The following PHF14 variants were observed in gnomAD, a reference collection of about 807,000 sequenced individuals.
PHF14 encodes the protein PHD finger protein 14.
Under a neutral mutation model 117.9 loss-of-function variants are expected in PHF14, and 55 were observed. The ratio of observed to expected loss-of-function variants is 0.47; its 90% CI spans 0.38 to 0.58. The LOEUF (loss-of-function observed/expected upper bound fraction) is 0.58, where lower values mean the gene tolerates loss of function less well. PHF14 is among the 20% of genes least tolerant of loss of function. PHF14 has a pLI of 0.00. For missense variants in PHF14, 978 were observed against 1,122.2 expected, an observed-to-expected ratio of 0.87 and a Z score of 1.84; for synonymous variants, 409 against 368.6, an observed-to-expected ratio of 1.11 and a Z score of -1.26.
chr7:11,071,540 A>G (rs566399210), intron 16 of PHF14, among the ~76,000 whole-genome samples: 6 of 152,300 alleles, frequency 3.9e-5, no homozygotes, highest in African/African-American at 1.4e-4. Context: ...TTTTCGTCCC[A>G]TTAAATTTTA....
intron 11 of PHF14, among the ~76,000 whole-genome samples, chr7:11,039,872 G>T (rs2128323329): frequency 6.6e-6 from 1 of 152,238 alleles, no homozygotes; most frequent in South Asian, 2.1e-4. Context: ...ATTTTTGGAA[G>T]ATTATGTTTT....
intron 3 of PHF14, among the ~76,000 whole-genome samples, chr7:10,987,268 A>G (rs1486444487): frequency 2.6e-5 from 4 of 152,166 alleles, no homozygotes; most frequent in African/African-American, 9.7e-5. Flanking sequence ...TGATTGGTCA[A>G]GCTTTTTGTT....
intron 16 of PHF14, chr7:11,107,910 T>G (rs1787324948): frequency 5.4e-6 from 1 of 186,140 alleles, no homozygotes. Flanking sequence ...CTACTTTAAC[T>G]CCATTGCAGC....
intron 17 of PHF14, among the ~76,000 whole-genome samples, chr7:11,125,643 A>G (rs1291264948): frequency 1.3e-5 from 2 of 152,028 alleles, no homozygotes; most frequent in Non-Finnish European, 2.9e-5. Flanking sequence ...TTATTCTACT[A>G]TATTTCCACC....
At chr7:11,038,218 C>T (rs1784374079) in intron 10 of PHF14, among the ~76,000 whole-genome samples, 1 of 151,818 alleles carries the variant, frequency 6.6e-6, no homozygotes. Flanking sequence ...TCGAGACCAT[C>T]CTAGGAGTTT....
intron 17 of PHF14, among the ~76,000 whole-genome samples, chr7:11,159,818 T>A (rs1254500727): frequency 1.3e-5 from 2 of 152,146 alleles, no homozygotes; most frequent in African/African-American, 2.4e-5. Context: ...AAAGAAAAAA[T>A]TCTAACAATA....
chr7:11,017,117 T>C (rs1211284223), intron 5 of PHF14, among the ~76,000 whole-genome samples: 1 of 152,254 alleles, frequency 6.6e-6, no homozygotes, highest in Non-Finnish European at 1.5e-5. Flanking sequence ...CATTGTGTAT[T>C]GTGTACCACA....
chr7:11,042,900 A>G, intron 13 of PHF14, 86 bp downstream of exon 13: 1 of 935,382 alleles, frequency 1.1e-6, no homozygotes, highest in Non-Finnish European at 1.6e-6. Context: ...ATTTGTTCAT[A>G]ATAAAGTATT....
intron 16 of PHF14, among the ~76,000 whole-genome samples, chr7:11,100,214 G>A (rs1007567521): frequency 1.3e-5 from 2 of 151,988 alleles, no homozygotes; most frequent in East Asian, 1.9e-4. Context: ...ATAATGAAAC[G>A]AGGTGAACTG....
chr7:11,045,442 G>T (rs1197661330), intron 13 of PHF14, among the ~76,000 whole-genome samples: 1 of 152,162 alleles, frequency 6.6e-6, no homozygotes, highest in Non-Finnish European at 1.5e-5. Flanking sequence ...TGTTTTGCAA[G>T]CCTGTGGTAG....
intron 5 of PHF14, among the ~76,000 whole-genome samples, chr7:11,021,537 A>T (rs1016526278): frequency 1.3e-5 from 2 of 152,160 alleles, no homozygotes; most frequent in Non-Finnish European, 2.9e-5. Flanking sequence ...AATCTGTAGT[A>T]CTTGTGTACT....
rs1785083129 is a variant in PHF14, at chr7:11,058,084, C to T, written c.2482-3707C>T. ...TTGAAAAGTAAAATTCTTCCTTCTT[C>T]CACATATTATTTTCATCCTACAGTT... is the stretch of plus-strand genomic sequence containing the variant. On this transcript the variant is annotated intron_variant, in intron 14 of 17. Transcript: ENST00000634607. Among the ~76,000 whole-genome samples, 3 of 152,154 alleles carry T rather than the reference C, an allele frequency of 2.0e-5. No homozygotes were observed. The South Asian group carries it at 6.2e-4, about 32-fold the overall frequency.
At chr7:11,055,071 C>T (rs1784973830) in intron 14 of PHF14, among the ~76,000 whole-genome samples, 2 of 152,034 alleles carry the variant, frequency 1.3e-5, no homozygotes, top group South Asian at 2.1e-4. Flanking sequence ...TATGTTTCAT[C>T]AGTGAAACTA....
At chr7:11,079,571 G>T (rs748482581) in intron 16 of PHF14, among the ~76,000 whole-genome samples, 1 of 151,974 alleles carries the variant, frequency 6.6e-6, no homozygotes, top group Non-Finnish European at 1.5e-5. Flanking sequence ...TTTAATGTTG[G>T]CATTTTGTTT....
chr7:11,105,691 A>G, intron 16 of PHF14: 1 of 984,500 alleles, frequency 1.0e-6, no homozygotes, highest in Non-Finnish European at 1.2e-6. Context: ...CATGCTTTGC[A>G]AATATTTCTC....
In PHF14 at chr7:10,993,030, A is replaced by G. The variant is rs377115549; in HGVS notation, c.1045+2183A>G. Among the ~76,000 whole-genome samples the G allele has an allele frequency of 5.3e-5, 8 of 152,248 alleles. 1 individual carries two copies. In the East Asian group the frequency reaches 1.5e-3, roughly 29 times the overall value. On this transcript the variant is annotated intron_variant, in intron 4 of 17. Coordinates refer to ENST00000634607, the MANE Select transcript of PHF14 (RefSeq NM_001007157.2). ...ACCACGGAAGTTATATAGTGTTCTT[A>G]GTGCATCGTATTAGGAAGCATATGA...
intron 17 of PHF14, among the ~76,000 whole-genome samples, chr7:11,152,973 G>A (rs1788742923): frequency 6.6e-6 from 1 of 152,202 alleles, no homozygotes; most frequent in Admixed American, 6.5e-5. Flanking sequence ...ACTCAGTGAG[G>A]CCGGAAAGGT....
At chr7:11,033,826 A>T (rs1327203845) in intron 7 of PHF14, among the ~76,000 whole-genome samples, 1 of 152,180 alleles carries the variant, frequency 6.6e-6, no homozygotes, top group Non-Finnish European at 1.5e-5. Flanking sequence ...TCCATTTAAC[A>T]TCTCTGTCAC....
chr7:11,102,679 A>C, intron 16 of PHF14: 1 of 1,444,698 alleles, frequency 6.9e-7, no homozygotes, highest in Non-Finnish European at 9.1e-7. Flanking sequence ...AGGTTTGGAT[A>C]GAATATAATT....
Sources: gnomAD v4.1 joint callset for allele counts (sites outside exome capture counted in the v4.1 genomes callset) on GRCh38, gnomAD v4.1.1 for gene constraint, MANE v1.5 for transcripts, NCBI Gene and HGNC (gene_info 2026-07-23, HGNC 2026-07-21) for gene names.